Variants in SCUBE1 observed in about 807,000 individuals in gnomAD.
SCUBE1 encodes the protein signal peptide, CUB domain and EGF like domain containing 1, also known as signal peptide, CUB and EGF-like domain-containing protein 1.
Under a neutral mutation model 124.4 loss-of-function variants are expected in SCUBE1, and 59 were observed. The observed-to-expected ratio is 0.47, with a 90% CI of 0.38 to 0.59. The LOEUF (loss-of-function observed/expected upper bound fraction) is 0.59. Ranked by LOEUF, SCUBE1 falls within the 20% of genes least tolerant of loss-of-function variation. SCUBE1 has a pLI of 0.00. For synonymous variants in SCUBE1, 545 were observed against 550.9 expected (o/e 0.99, Z 0.15); for missense variants, 1,150 against 1,371.2 (o/e 0.84, Z 2.55).
At chr22:43,315,571 C>T (rs552408989) in intron 3 of SCUBE1, among the ~76,000 whole-genome samples, 6 of 152,080 alleles carry the variant, frequency 3.9e-5, no homozygotes, top group Non-Finnish European at 8.8e-5. Context: ...AACCAAGGTC[C>T]GGCTTCTCTA....
intron 10 of SCUBE1, among the ~76,000 whole-genome samples, chr22:43,226,906 T>C (rs1922341035): frequency 6.6e-6 from 1 of 152,110 alleles, no homozygotes; most frequent in South Asian, 2.1e-4. Flanking sequence ...CAGGAGGCAC[T>C]GCCACATCCC....
At position 43,291,047 on chromosome 22, in the gene SCUBE1, A is replaced by T; in HGVS notation, c.483T>A (p.Asn161Lys). Residue 161 changes from asparagine to lysine, a missense_variant and splice_region_variant, in exon 4 of 22, where the codon AAT (asparagine) becomes AAA (lysine). By Grantham distance (94) the Asn-to-Lys change is moderately conservative. Around this residue, in one of 3 missense-constraint regions of SCUBE1, gnomAD observed 337 missense variants for 482.1 expected, o/e 0.70. Transcript: ENST00000360835. ...CTGGTCAGCATAGGCTGTACTCACCATTGGAGCGGTGGATGCAGGTATGCT... is the reference window on the plus strand; with the variant it reads ...CTGGTCAGCATAGGCTGTACTCACCTTTGGAGCGGTGGATGCAGGTATGCT... ...DNQHTCIHRS[N>K]EGMNCMNKDH... The T allele has an allele frequency of 6.2e-7, 1 of 1,606,610 alleles. No individual in the cohort carries two copies. The highest frequency in any genetic ancestry group is 1.1e-5 in the South Asian group (1 of 90,098).
intron 4 of SCUBE1, among the ~76,000 whole-genome samples, chr22:43,284,919 C>T (rs533542393): frequency 1.7e-4 from 26 of 152,226 alleles, no homozygotes; most frequent in South Asian, 1.0e-3. Context: ...ACAGTGGGCT[C>T]GAGACCCACG....
intron 6 of SCUBE1, among the ~76,000 whole-genome samples, chr22:43,252,505 G>A (rs1421817616): frequency 6.6e-6 from 1 of 152,190 alleles, no homozygotes; most frequent in Non-Finnish European, 1.5e-5. Context: ...CGTGGTCCAG[G>A]TTCTGACCTT....
At chr22:43,249,897 C>A (rs149572096) in intron 6 of SCUBE1, among the ~76,000 whole-genome samples, 1 of 152,266 alleles carries the variant, frequency 6.6e-6, no homozygotes, top group Non-Finnish European at 1.5e-5. Context: ...TGGGACTCCA[C>A]CTGGCCCTGC....
In SCUBE1 at chr22:43,255,905, G is replaced by A. The variant is rs1056626407; in HGVS notation, c.727+2314C>T. 1.3e-5 allele frequency among the ~76,000 whole-genome samples: 2 copies of A among 152,158 alleles called. No homozygotes were observed. Among genetic ancestry groups the A allele is most frequent in the African/African-American group, 2.4e-5 (1 of 41,418 alleles). On this transcript the variant is annotated intron_variant, in intron 6 of 21. Transcript: ENST00000360835. The surrounding 1 kb of genome is among the most constrained non-coding windows in gnomAD (Gnocchi z 4.7). The stretch of plus-strand genomic sequence containing the variant: ...AGGTCAGGGCAGACGGGATTCGTCC[G>A]CAGAGAGCCACAGAAGCAGAAAGCA...
chr22:43,244,331 G>A (rs957546676), intron 6 of SCUBE1, among the ~76,000 whole-genome samples: 4 of 152,206 alleles, frequency 2.6e-5, no homozygotes, highest in African/African-American at 9.7e-5. Context: ...CGCTGTCTGT[G>A]TGTGCAGAGG....
Position 43,198,552 on chromosome 22 carries a change from C to T in SCUBE1, c.*5445G>A, listed in dbSNP as rs1160949396. ...GAATAGGAGGCGCTCTCTGCTCTCT[C>T]TCCACATCCTCACTCCACCCCTCAT... On this transcript the variant is annotated 3_prime_UTR_variant, in exon 22 of 22. Coordinates refer to ENST00000360835, the MANE Select transcript of SCUBE1 (RefSeq NM_173050.5). The T allele has an allele frequency of 4.4e-6, 2 of 456,620 alleles. No individual in the cohort carries two copies. Among genetic ancestry groups the T allele is most frequent in the Non-Finnish European group, 8.8e-6 (2 of 226,978 alleles). 28.3% of individuals were successfully genotyped at this position (456,620 alleles called of 1,614,324 possible). A position where few individuals can be genotyped will look rare whatever the true frequency, so the allele number is the denominator to read the frequency against.
chr22:43,273,486 T>A (rs538812739), intron 4 of SCUBE1, among the ~76,000 whole-genome samples: 2 of 150,482 alleles, frequency 1.3e-5, no homozygotes, highest in Non-Finnish European at 3.0e-5. Flanking sequence ...TGCGTCCCCA[T>A]CCCAGCCCTT....
intron 16 of SCUBE1, 43 bp downstream of exon 16, chr22:43,214,047 G>GGGGGCCCCCCCCCCC: frequency 7.0e-6 from 1 of 143,438 alleles, no homozygotes. Context: ...AGGAGCCCCC[G>GGGGGCCCCCCCCCCC]CCCACCCCCC....
At chr22:43,320,150 G>C (rs971015909) in intron 2 of SCUBE1, 85 bp from the exon 3 acceptor site, 2 of 1,519,324 alleles carry the variant, frequency 1.3e-6, no homozygotes, top group Non-Finnish European at 9.0e-7. Flanking sequence ...CGGGATCTGA[G>C]TGATTAGGGG....
intron 4 of SCUBE1, among the ~76,000 whole-genome samples, chr22:43,285,961 T>G (rs1179916287): frequency 2.0e-5 from 3 of 152,212 alleles, no homozygotes; most frequent in Admixed American, 1.3e-4. Flanking sequence ...AAAGCTGGCC[T>G]CTTGATCCTC....
At position 43,227,470 on chromosome 22, in the gene SCUBE1, C is replaced by T. The variant is rs779459116; in HGVS notation, c.1111G>A (p.Gly371Arg). ...TTGACGCAGCCCTGGTCACAGCTCC[C>T]GTTGCTCATGCTGCACTCGTCCACA... ...GDVDECSMSN[G>R]SCDQGCVNTK... is the part of the protein sequence containing the mutation. Residue 371 changes from glycine to arginine, a missense_variant, in exon 10 of 22, where the codon GGG becomes AGG. Physicochemically the swap from Gly to Arg is moderately radical, Grantham distance 125. Coordinates refer to ENST00000360835, the MANE Select transcript of SCUBE1 (RefSeq NM_173050.5). The T allele has an allele frequency of 4.3e-6, 7 of 1,612,848 alleles. No individual in the cohort carries two copies. Among genetic ancestry groups the T allele is most frequent in the East Asian group, 4.5e-5 (2 of 44,896 alleles).
At chr22:43,221,517 C>G (rs965037381) in intron 12 of SCUBE1, among the ~76,000 whole-genome samples, 1 of 152,086 alleles carries the variant, frequency 6.6e-6, no homozygotes, top group Non-Finnish European at 1.5e-5. Flanking sequence ...CAAGCTCAAG[C>G]CCAGGGGCCA....
At chr22:43,328,273 G>GTC (rs33973382) in intron 2 of SCUBE1, among the ~76,000 whole-genome samples, 48,986 of 151,890 alleles carry the variant, frequency 0.32, 8,245 homozygotes, top group East Asian at 0.53. Context: ...CCGTTGGCGC[G>GTC]TGTGAGATGG....
At chr22:43,252,041 C>A (rs1183258833) in intron 6 of SCUBE1, among the ~76,000 whole-genome samples, 1 of 152,220 alleles carries the variant, frequency 6.6e-6, no homozygotes, top group East Asian at 1.9e-4. Flanking sequence ...ACCTGCAAAT[C>A]CGACAATTTT....
At chr22:43,330,165 T>G (rs1355847045) in intron 2 of SCUBE1, among the ~76,000 whole-genome samples, 2 of 152,174 alleles carry the variant, frequency 1.3e-5, no homozygotes, top group African/African-American at 2.4e-5. Flanking sequence ...ATGCACATTC[T>G]GTAAGGCAGG....
intron 5 of SCUBE1, among the ~76,000 whole-genome samples, chr22:43,261,376 G>A (rs1043165319): frequency 2.6e-5 from 4 of 152,238 alleles, no homozygotes; most frequent in African/African-American, 4.8e-5. Context: ...CAGGAACACA[G>A]AGAAAGGTGG....
In SCUBE1 at chr22:43,212,438, G is replaced by C; in HGVS notation, c.2208C>G (p.Asp736Glu). The C allele has an allele frequency of 2.6e-6, 4 of 1,551,632 alleles. No homozygotes were observed. The highest frequency in any genetic ancestry group is 3.5e-6 in the Non-Finnish European group (4 of 1,147,456). The part of the protein sequence containing the change: ...TKHEGTTSFQ[D>E]CEAKVHCSPG... Reference sequence around the variant, plus strand: ...GGGCATGCTCACCTTTAGCCTCGCAGTCCTGGAAGGAGGTGGTGCCTTCGT... The same window carrying C: ...GGGCATGCTCACCTTTAGCCTCGCACTCCTGGAAGGAGGTGGTGCCTTCGT... Residue 736 changes from aspartate (D) to glutamate (E), a missense_variant, in exon 17 of 22, where the codon GAC (aspartate) becomes GAG (glutamate). Asp to Glu is a conservative substitution (Grantham distance 45, BLOSUM62 2). Coordinates refer to ENST00000360835, the MANE Select transcript of SCUBE1 (RefSeq NM_173050.5).
Sources: allele counts gnomAD v4.1 joint callset (sites outside exome capture counted in the v4.1 genomes callset), GRCh38; gene constraint gnomAD v4.1.1; regional missense constraint gnomAD v4.1.1; non-coding constraint Gnocchi (gnomAD v3.1); transcripts MANE v1.5; gene names NCBI Gene and HGNC (gene_info 2026-07-23, HGNC 2026-07-21).